Variants in TINAG observed in about 807,000 individuals in gnomAD.
TINAG encodes tubulointerstitial nephritis antigen.
A neutral mutation model predicts 72.7 loss-of-function variants in TINAG; 83 were observed. The observed-to-expected ratio is 1.14, with a 90% CI of 0.96 to 1.37. TINAG has a LOEUF of 1.37. Among genes scored for constraint, TINAG ranks in the 40% most tolerant of loss-of-function variants. The pLI, the probability that TINAG is intolerant of heterozygous loss-of-function variation, is 0.00. For missense variants in TINAG, 685 were observed against 576.6 expected, an observed-to-expected ratio of 1.19 and a Z score of -1.93; for synonymous variants, 234 against 189.9, an observed-to-expected ratio of 1.23 and a Z score of -1.91.
chr6:54,320,537 C>T (rs773971801), intron 1 of TINAG, 42 bp from the exon 2 acceptor site: 9 of 1,496,718 alleles, frequency 6.0e-6, no homozygotes, highest in South Asian at 1.2e-5. Flanking sequence ...CACTTTATTA[C>T]TTAGTTTAGC....
intron 4 of TINAG, among the ~76,000 whole-genome samples, chr6:54,327,839 C>T (rs758295531): frequency 1.3e-5 from 2 of 152,086 alleles, no homozygotes; most frequent in Non-Finnish European, 2.9e-5. Context: ...CCCTTATAAA[C>T]AAAGCCACCT....
intron 9 of TINAG, among the ~76,000 whole-genome samples, chr6:54,376,125 T>G (rs986751821): frequency 3.9e-5 from 6 of 152,152 alleles, no homozygotes; most frequent in African/African-American, 1.4e-4. Context: ...CAAGAAGAAA[T>G]TTCTACTCAA....
intron 4 of TINAG, among the ~76,000 whole-genome samples, chr6:54,329,171 A>G (rs559518142): frequency 7.2e-5 from 11 of 152,212 alleles, no homozygotes; most frequent in African/African-American, 2.4e-4. Flanking sequence ...ACACATAATC[A>G]CTAGATTCAC....
chr6:54,386,016 C>T (rs758968114), intron 10 of TINAG, among the ~76,000 whole-genome samples: 19 of 150,948 alleles, frequency 1.3e-4, no homozygotes, highest in Non-Finnish European at 1.9e-4. Context: ...CTCAGTCTCC[C>T]GAGTAGCTGG....
intron 4 of TINAG, among the ~76,000 whole-genome samples, chr6:54,335,951 TG>T (rs762587433): frequency 5.3e-4 from 81 of 152,172 alleles, no homozygotes; most frequent in Non-Finnish European, 8.4e-4. Context: ...CCATATTGCT[TG>T]GGTAAGAGTT....
At chr6:54,346,410 T>TTG (rs201126141) in intron 5 of TINAG, among the ~76,000 whole-genome samples, 8 of 150,924 alleles carry the variant, frequency 5.3e-5, no homozygotes, top group East Asian at 1.9e-4. Flanking sequence ...AATAAAAAGT[T>TTG]TGTGTGTGTG....
intron 1 of TINAG, among the ~76,000 whole-genome samples, chr6:54,319,093 C>T (rs1434816645): frequency 1.3e-5 from 2 of 151,866 alleles, no homozygotes; most frequent in Non-Finnish European, 2.9e-5. Flanking sequence ...CCTTAAGGAC[C>T]CTTGAGATGT....
intron 9 of TINAG, among the ~76,000 whole-genome samples, chr6:54,360,841 G>GTTTTGTTTTTTTTTTTT (rs1763205728): frequency 3.8e-5 from 1 of 26,242 alleles, no homozygotes. Context: ...CAGATACTGT[G>GTTTTGTTTTTTTTTTTT]TTTTTTTTTT....
intron 3 of TINAG, among the ~76,000 whole-genome samples, chr6:54,322,574 G>A (rs540782467): frequency 2.0e-5 from 3 of 152,260 alleles, no homozygotes; most frequent in African/African-American, 7.2e-5. Flanking sequence ...TTATAAAATG[G>A]AAGTGTAATC....
At position 54,308,759 on chromosome 6, in the gene TINAG, G is replaced by A. The variant is rs1264157154; in HGVS notation, c.209G>A (p.Cys70Tyr). The A allele has an allele frequency of 6.2e-6, 10 of 1,613,780 alleles. No individual in the cohort carries two copies. The Admixed American group carries it at 1.2e-4, about 19-fold the overall frequency. Reference protein sequence around the residue: ...FGCCEDRDDGCVTEFYAANAL... With the variant: ...FGCCEDRDDGYVTEFYAANAL... ...TGTTGTGAAGACAGAGATGATGGCTGTGTCACTGAGTTCTATGCGGCGAAT... is the reference window on the plus strand; with the variant it reads ...TGTTGTGAAGACAGAGATGATGGCTATGTCACTGAGTTCTATGCGGCGAAT... Residue 70 changes from cysteine to tyrosine, a missense_variant, in exon 1 of 11, where the codon TGT becomes TAT. Cys to Tyr is a radical substitution (Grantham distance 194, BLOSUM62 -2). Transcript: ENST00000259782.
At chr6:54,339,554 G>C (rs1784949075) in intron 4 of TINAG, among the ~76,000 whole-genome samples, 1 of 152,086 alleles carries the variant, frequency 6.6e-6, no homozygotes, top group African/African-American at 2.4e-5. Flanking sequence ...GTTGAGGGGG[G>C]TGCATGGAGG....
At chr6:54,309,498 A>G (rs763141567) in intron 1 of TINAG, among the ~76,000 whole-genome samples, 11 of 152,164 alleles carry the variant, frequency 7.2e-5, no homozygotes, top group African/African-American at 1.2e-4. Context: ...TGGGACTTTT[A>G]CAATTATTAA....
intron 7 of TINAG, among the ~76,000 whole-genome samples, chr6:54,350,783 A>G (rs1785247403): frequency 6.6e-6 from 1 of 151,324 alleles, no homozygotes; most frequent in South Asian, 2.1e-4. Context: ...TTGTCTCTAC[A>G]ATGGATCTTA....
chr6:54,308,134 T>A, upstream of TINAG: 1 of 1,547,990 alleles, frequency 6.5e-7, no homozygotes, highest in Non-Finnish European at 8.7e-7. Context: ...ACTTTTGAAT[T>A]TCCTGCACCT....
In TINAG at chr6:54,385,939, G is replaced by A. The variant is rs1201972561; in HGVS notation, c.1297-3852G>A. The stretch of plus-strand genomic sequence containing the variant: ...TCTCACTCACTCTGTCGTCCAGGCT[G>A]GAGTGCAGTGTCGTGATCTTGGCTA... On this transcript the variant is annotated intron_variant, in intron 10 of 10. Transcript: ENST00000259782. Among the ~76,000 whole-genome samples, 12 of 132,088 alleles carry A rather than the reference G, an allele frequency of 9.1e-5. No homozygotes were observed. In the Admixed American group the frequency reaches 9.3e-4, roughly 10 times the overall value. The allele number at this position is 132,088 out of a possible 152,430, so 86.7% of individuals were successfully genotyped here. A position where few individuals can be genotyped will look rare whatever the true frequency, so the allele number is the denominator to read the frequency against.
Position 54,327,222 on chromosome 6 carries a change from G to C in TINAG, c.624+306G>C, listed in dbSNP as rs1582705255. 5.3e-6 allele frequency: 8 copies of C among 1,502,764 alleles called. No individual in the cohort carries two copies. In the East Asian group the frequency reaches 2.1e-4, roughly 39 times the overall value. 93.1% of individuals were successfully genotyped at this position (1,502,764 alleles called of 1,614,324 possible). On this transcript the variant is annotated intron_variant, in intron 4 of 10. Transcript: ENST00000259782. ...CCCAGCGAGACCAACGTAGAAGGTG[G>C]ATGATTTCTGCATTACCAACTGAGG... is the stretch of plus-strand genomic sequence containing the variant.
rs117173638 is a variant in TINAG, at chr6:54,374,215, C to T, written c.1251-6311C>T. Among the ~76,000 whole-genome samples the T allele has an allele frequency of 7.1e-3, 1,074 of 152,140 alleles. 15 individuals carry two copies. Among genetic ancestry groups the T allele is most frequent in the East Asian group, 0.034 (178 of 5,174 alleles). On this transcript the variant is annotated intron_variant, in intron 9 of 10. Coordinates refer to ENST00000259782, the MANE Select transcript of TINAG (RefSeq NM_014464.4). ...TGTATAAAGCTGTTTAGATAATTAA[C>T]GTTAGGTACACAGGATCATGTGTGA... is the stretch of plus-strand genomic sequence containing the variant.
At chr6:54,345,928 T>C (rs1457941631) in intron 5 of TINAG, among the ~76,000 whole-genome samples, 1 of 151,810 alleles carries the variant, frequency 6.6e-6, no homozygotes, top group Non-Finnish European at 1.5e-5. Context: ...ACACTAACAA[T>C]TTTGATGAGA....
At chr6:54,358,281 A>C (rs1763117627) in intron 9 of TINAG, among the ~76,000 whole-genome samples, 1 of 151,800 alleles carries the variant, frequency 6.6e-6, no homozygotes, top group African/African-American at 2.4e-5. Context: ...TCACTTTTTA[A>C]CACAGTGTAT....
Sources: gnomAD v4.1 joint callset for allele counts (sites outside exome capture counted in the v4.1 genomes callset) on GRCh38, gnomAD v4.1.1 for gene constraint, MANE v1.5 for transcripts, NCBI Gene and HGNC (gene_info 2026-07-23, HGNC 2026-07-21) for gene names.